Variants in SLC13A1 observed in about 807,000 individuals in gnomAD.
SLC13A1 encodes solute carrier family 13 member 1.
SLC13A1 carries 65 observed loss-of-function variants against 70.0 expected under a neutral mutation model. That is an observed-to-expected ratio of 0.93 (90% CI 0.76 to 1.14). The LOEUF is 1.14. Among genes scored for constraint, SLC13A1 ranks in the 50% most tolerant of loss-of-function variants. SLC13A1 has a pLI of 0.00. For synonymous variants in SLC13A1, 275 were observed against 250.5 expected, an observed-to-expected ratio of 1.10 and a Z score of -0.92; for missense variants, 726 against 717.8, an observed-to-expected ratio of 1.01 and a Z score of -0.13.
chr7:123,183,581 T>G (rs1563353517), intron 1 of SLC13A1, among the ~76,000 whole-genome samples: 1 of 152,186 alleles, frequency 6.6e-6, no homozygotes, highest in African/African-American at 2.4e-5. Context: ...GATTGTGCAT[T>G]TGGACTTCTC....
chr7:123,184,963 C>T (rs966660341), intron 1 of SLC13A1, among the ~76,000 whole-genome samples: 3 of 152,012 alleles, frequency 2.0e-5, no homozygotes, highest in East Asian at 1.9e-4. Context: ...CTGGCCAACA[C>T]TTGTTATAAT....
intron 1 of SLC13A1, among the ~76,000 whole-genome samples, chr7:123,197,155 G>C (rs1252272496): frequency 6.6e-6 from 1 of 152,062 alleles, no homozygotes; most frequent in Non-Finnish European, 1.5e-5. Flanking sequence ...TTCATTCATG[G>C]CACTTTTTTC....
intron 13 of SLC13A1, among the ~76,000 whole-genome samples, chr7:123,118,686 C>G (rs902043107): frequency 2.6e-5 from 4 of 152,028 alleles, no homozygotes; most frequent in African/African-American, 9.7e-5. Flanking sequence ...TTATATGAAC[C>G]ACTTCTCAGA....
chr7:123,148,477 A>T, intron 6 of SLC13A1: 1 of 453,252 alleles, frequency 2.2e-6, no homozygotes, highest in Non-Finnish European at 4.4e-6. Context: ...GTTTTATTTA[A>T]GAGATGACTT....
At chr7:123,127,487 A>G (rs1793600225) in intron 10 of SLC13A1, among the ~76,000 whole-genome samples, 1 of 152,026 alleles carries the variant, frequency 6.6e-6, no homozygotes, top group Non-Finnish European at 1.5e-5. Context: ...TAAAAGGGGG[A>G]AGCATTATTT....
rs1796076787 is a variant in SLC13A1 at position 123,193,760 on chromosome 7, T to G, written c.99+6088A>C. Reference sequence around the variant, plus strand: ...TGGGATGATATTGACTATTTCTAATTGTCGCTATGAGGCTCACAGTGGGCA... The same window carrying G: ...TGGGATGATATTGACTATTTCTAATGGTCGCTATGAGGCTCACAGTGGGCA... On this transcript the variant is annotated intron_variant, in intron 1 of 14. Transcript: ENST00000194130. 2.0e-5 allele frequency among the ~76,000 whole-genome samples: 3 copies of G among 152,176 alleles called. No homozygotes were observed. In the South Asian group the frequency reaches 6.2e-4, roughly 32 times the overall value.
intron 1 of SLC13A1, among the ~76,000 whole-genome samples, chr7:123,195,325 C>A (rs976982111): frequency 2.0e-5 from 3 of 151,960 alleles, no homozygotes; most frequent in Non-Finnish European, 4.4e-5. Context: ...TAAATCCCTA[C>A]AATATTTTTA....
At chr7:123,189,073 C>A (rs1325950378) in intron 1 of SLC13A1, among the ~76,000 whole-genome samples, 4 of 133,878 alleles carry the variant, frequency 3.0e-5, no homozygotes, top group African/African-American at 1.1e-4. Context: ...CGAGATCCCG[C>A]CACTGCACTC....
Position 123,119,054 on chromosome 7 carries a change from TA to T in SLC13A1, c.1512+26del, listed in dbSNP as rs780670392. 1.9e-6 allele frequency: 3 copies of T among 1,594,446 alleles called. No homozygotes were observed. The South Asian group carries it at 3.3e-5, about 18-fold the overall frequency. ...GCAGAGTACTGCTCTTAATGAAGAG[TA>T]AAAAGGGGATAAATGAGATACTCAC... On this transcript the variant is annotated intron_variant, in intron 13 of 14. Coordinates refer to ENST00000194130, the MANE Select transcript of SLC13A1 (RefSeq NM_022444.4).
chr7:123,159,878 C>G (rs1213088244), intron 6 of SLC13A1, among the ~76,000 whole-genome samples: 1 of 151,706 alleles, frequency 6.6e-6, no homozygotes, highest in Non-Finnish European at 1.5e-5. Context: ...TATAAGGACA[C>G]AGAAATATTG....
intron 7 of SLC13A1, among the ~76,000 whole-genome samples, chr7:123,144,638 G>T (rs963083901): frequency 2.6e-5 from 4 of 151,968 alleles, no homozygotes; most frequent in Non-Finnish European, 5.9e-5. Context: ...CAAAACATCC[G>T]CAGGCTGGAG....
At chr7:123,129,326 G>C (rs13229036) in intron 9 of SLC13A1, 57 bp downstream of exon 9, 24,756 of 47,218 alleles carry the variant, frequency 0.52, 3,123 homozygotes, top group Middle Eastern at 0.54. Context: ...TCTCTTCTCT[G>C]TGTGTGTGTG....
intron 6 of SLC13A1, among the ~76,000 whole-genome samples, chr7:123,164,272 T>C (rs184589160): frequency 1.3e-5 from 2 of 152,010 alleles, no homozygotes; most frequent in Non-Finnish European, 1.5e-5. Context: ...GCCATTATTA[T>C]TTTTTTCTAC....
intron 10 of SLC13A1, among the ~76,000 whole-genome samples, chr7:123,127,838 A>AT (rs201644707): frequency 0.03 from 3,166 of 106,522 alleles, 151 homozygotes; most frequent in Admixed American, 0.055. Context: ...CCAAAATACA[A>AT]TTTTTTTTTT....
rs150311391 is a variant in SLC13A1, at chr7:123,150,800, A to C, written c.661-3490T>G. ...GATATCTCACTCTTTGGATTTTTCT[A>C]TCTCTGCCTGTTTTTCTGTCTCCCT... On this transcript the variant is annotated intron_variant, in intron 6 of 14. Coordinates refer to ENST00000194130, the MANE Select transcript of SLC13A1 (RefSeq NM_022444.4). Among the ~76,000 whole-genome samples, 832 of 152,084 alleles carry C rather than the reference A, an allele frequency of 5.5e-3. 9 individuals carry two copies. The highest frequency in any genetic ancestry group is 0.019 in the African/African-American group (777 of 41,494).
At chr7:123,188,009 T>C (rs1795867327) in intron 1 of SLC13A1, among the ~76,000 whole-genome samples, 1 of 152,208 alleles carries the variant, frequency 6.6e-6, no homozygotes, top group Non-Finnish European at 1.5e-5. Flanking sequence ...CCATTTGCTA[T>C]CTGACATGGT....
intron 1 of SLC13A1, 66 bp from the exon 2 acceptor site, chr7:123,181,167 A>G (rs565194254): frequency 2.6e-6 from 4 of 1,540,332 alleles, no homozygotes; most frequent in African/African-American, 2.8e-5. Flanking sequence ...ATTCAAACAC[A>G]AACATGTTTG....
intron 11 of SLC13A1, among the ~76,000 whole-genome samples, chr7:123,125,107 A>G (rs1793515063): frequency 6.6e-6 from 1 of 152,094 alleles, no homozygotes; most frequent in Admixed American, 6.6e-5. Context: ...TGATCCTAGG[A>G]TATGGCTATG....
intron 2 of SLC13A1, among the ~76,000 whole-genome samples, chr7:123,177,474 G>T (rs759186557): frequency 1.3e-5 from 2 of 151,996 alleles, no homozygotes; most frequent in Non-Finnish European, 2.9e-5. Context: ...CTCTTCAAAA[G>T]ATCCCATTTT....
Sources: allele counts gnomAD v4.1 joint callset (sites outside exome capture counted in the v4.1 genomes callset), GRCh38; gene constraint gnomAD v4.1.1; transcripts MANE v1.5; gene names NCBI Gene and HGNC (gene_info 2026-07-23, HGNC 2026-07-21).